Variants in DNAAF9 observed in about 807,000 individuals in gnomAD.
DNAAF9 encodes the protein dynein axonemal assembly factor 9, also known as shulin.
Under a neutral mutation model 167.0 loss-of-function variants are expected in DNAAF9, and 90 were observed. The observed-to-expected ratio is 0.54, with a 90% confidence interval of 0.45 to 0.64. The LOEUF (loss-of-function observed/expected upper bound fraction) is 0.64. Ranked by LOEUF, DNAAF9 falls within the 30% of genes least tolerant of loss-of-function variation. The pLI is 0.00. For missense variants in DNAAF9, 1,315 were observed against 1,442.2 expected, an observed-to-expected ratio of 0.91 and a Z score of 1.43; for synonymous variants, 491 against 508.8, an observed-to-expected ratio of 0.96 and a Z score of 0.47.
intron 7 of DNAAF9, among the ~76,000 whole-genome samples, chr20:3,349,463 C>T (rs1047173749): frequency 1.3e-5 from 2 of 152,096 alleles, no homozygotes; most frequent in African/African-American, 4.8e-5. Flanking sequence ...TACAGGGCAC[C>T]TAAAGGATGG....
intron 25 of DNAAF9, among the ~76,000 whole-genome samples, chr20:3,291,623 G>A (rs369978960): frequency 9.2e-5 from 14 of 152,076 alleles, no homozygotes; most frequent in Non-Finnish European, 1.9e-4. Context: ...GATTACAGGC[G>A]TGAGCCACCA....
chr20:3,298,073 C>A lies in DNAAF9; in HGVS notation c.1885G>T (p.Ala629Ser), dbSNP rs568926383. Reference protein sequence around the residue: ...FHGSSNFLMIALFPKSKIYQA... With the variant: ...FHGSSNFLMISLFPKSKIYQA... ...TATATCTTCGATTTGGGGAAAAGGG[C>A]AATCATCAGAAAATTGCTTGATCCA... is the stretch of plus-strand genomic sequence containing the variant. Residue 629 changes from alanine (A) to serine (S), a missense_variant, in exon 22 of 37, where the codon GCC becomes TCC. Around this residue, in one of 2 missense-constraint regions of DNAAF9, gnomAD observed 981 missense variants for 1,012.5 expected, o/e 0.97. Coordinates refer to ENST00000252032, the MANE Select transcript of DNAAF9 (RefSeq NM_001009984.3). The A allele has an allele frequency of 6.2e-7, 1 of 1,613,012 alleles. No individual in the cohort carries two copies. Among genetic ancestry groups the A allele is most frequent in the Non-Finnish European group, 8.5e-7 (1 of 1,179,012 alleles).
At chr20:3,340,728 T>C (rs529747992) in intron 9 of DNAAF9, 89 bp from the exon 10 acceptor site, 2 of 1,242,296 alleles carry the variant, frequency 1.6e-6, no homozygotes, top group Middle Eastern at 1.9e-4. Context: ...CAGGCTTTTC[T>C]GAGGGACACT....
intron 21 of DNAAF9, among the ~76,000 whole-genome samples, chr20:3,300,092 AG>A (rs1004242951): frequency 2.6e-5 from 4 of 152,032 alleles, no homozygotes; most frequent in African/African-American, 9.7e-5. Flanking sequence ...TAGTAGAAAC[AG>A]GGTTTCACCA....
chr20:3,350,484 G>C (rs143184465), intron 7 of DNAAF9, among the ~76,000 whole-genome samples: 1,783 of 152,202 alleles, frequency 0.012, 26 homozygotes, highest in African/African-American at 0.04. Context: ...GAGGGAGACA[G>C]AGAGAGAGAA....
chr20:3,295,878 G>A (rs550831478), intron 23 of DNAAF9: 4 of 1,152,574 alleles, frequency 3.5e-6, no homozygotes, highest in Non-Finnish European at 5.2e-6. Context: ...GTTCTCATGG[G>A]AGCCCAGCCA....
chr20:3,312,216 G>A (rs768013823), intron 20 of DNAAF9, among the ~76,000 whole-genome samples: 4 of 151,990 alleles, frequency 2.6e-5, no homozygotes, highest in Non-Finnish European at 4.4e-5. Context: ...TCGAACTCCC[G>A]ACTTCAGGTG....
intron 1 of DNAAF9, among the ~76,000 whole-genome samples, chr20:3,394,561 T>C (rs2083872244): frequency 6.6e-6 from 1 of 152,170 alleles, no homozygotes; most frequent in African/African-American, 2.4e-5. Flanking sequence ...TCATTCTAAT[T>C]ATATATGTTG....
At chr20:3,257,403 T>C (rs546172914) in intron 33 of DNAAF9, among the ~76,000 whole-genome samples, 6 of 152,048 alleles carry the variant, frequency 3.9e-5, no homozygotes, top group African/African-American at 1.4e-4. Flanking sequence ...TCCCAGCTAC[T>C]TGGGAGGCTG....
intron 21 of DNAAF9, among the ~76,000 whole-genome samples, chr20:3,302,745 T>A (rs1000016298): frequency 6.6e-6 from 1 of 151,994 alleles, no homozygotes; most frequent in Non-Finnish European, 1.5e-5. Flanking sequence ...AACTAATATA[T>A]AGGGACAAAA....
intron 8 of DNAAF9, among the ~76,000 whole-genome samples, chr20:3,346,986 G>C (rs1432977173): frequency 1.3e-5 from 2 of 152,020 alleles, no homozygotes; most frequent in Non-Finnish European, 2.9e-5. Context: ...AAACTTAAAG[G>C]AAACTATAAA....
intron 12 of DNAAF9, among the ~76,000 whole-genome samples, chr20:3,326,827 C>T (rs767370451): frequency 6.6e-6 from 1 of 151,926 alleles, no homozygotes; most frequent in Non-Finnish European, 1.5e-5. Flanking sequence ...AAAGTCGGCT[C>T]CTCTGAATTC....
intron 35 of DNAAF9, among the ~76,000 whole-genome samples, chr20:3,254,605 C>T (rs1386076199): frequency 6.6e-6 from 1 of 152,202 alleles, no homozygotes; most frequent in Non-Finnish European, 1.5e-5. Flanking sequence ...TGAAAGGGGC[C>T]TCCTCAAATC....
chr20:3,304,698 C>A (rs2122988293), intron 20 of DNAAF9, among the ~76,000 whole-genome samples, 155 bp from the exon 21 acceptor site: 1 of 152,202 alleles, frequency 6.6e-6, no homozygotes, highest in Middle Eastern at 3.4e-3. Context: ...CTGAGGAAGC[C>A]AAAGTAACCT....
At chr20:3,303,563 C>A (rs1012300121) in intron 21 of DNAAF9, among the ~76,000 whole-genome samples, 2 of 152,184 alleles carry the variant, frequency 1.3e-5, no homozygotes, top group African/African-American at 4.8e-5. Flanking sequence ...CTAATAGGGC[C>A]ATCCAATGTG....
intron 10 of DNAAF9, among the ~76,000 whole-genome samples, chr20:3,336,268 T>G (rs1307237005): frequency 3.5e-4 from 53 of 149,616 alleles, no homozygotes; most frequent in African/African-American, 1.3e-3. Flanking sequence ...GTTTTTTTTT[T>G]TTTTTTTGCC....
chr20:3,289,996 T>A (rs2068921607), intron 26 of DNAAF9, 133 bp downstream of exon 26: 2 of 686,860 alleles, frequency 2.9e-6, no homozygotes, highest in Middle Eastern at 4.1e-4. Flanking sequence ...CAGAAGAGCA[T>A]ATTAAATGAA....
At chr20:3,270,136 CTTTT>C (rs56942768) in intron 30 of DNAAF9, among the ~76,000 whole-genome samples, 3 of 125,506 alleles carry the variant, frequency 2.4e-5, no homozygotes, top group Non-Finnish European at 4.8e-5. Flanking sequence ...GCCCAGCCTG[CTTTT>C]TTTTTTTTTT....
At chr20:3,260,442 A>G (rs1374188508) in intron 31 of DNAAF9, among the ~76,000 whole-genome samples, 3 of 152,178 alleles carry the variant, frequency 2.0e-5, no homozygotes, top group Non-Finnish European at 4.4e-5. Flanking sequence ...TGCCTCTTTC[A>G]TTTTGAGACT....
Sources: gnomAD v4.1 joint callset for allele counts (sites outside exome capture counted in the v4.1 genomes callset) on GRCh38, gnomAD v4.1.1 for gene constraint, gnomAD v4.1.1 regional missense constraint, MANE v1.5 for transcripts, NCBI Gene and HGNC (gene_info 2026-07-23, HGNC 2026-07-21) for gene names.